Variants in ANKRD36C observed in about 807,000 individuals in gnomAD.
The protein encoded by ANKRD36C is ankyrin repeat domain 36C.
Under a neutral mutation model 276.4 loss-of-function variants are expected in ANKRD36C, and 61 were observed. The ratio of observed to expected loss-of-function variants is 0.22; its 90% confidence interval spans 0.18 to 0.27. ANKRD36C has a LOEUF of 0.27. Among genes scored for constraint, ANKRD36C ranks in the 10% least tolerant of loss-of-function variants. The pLI, the probability that ANKRD36C is intolerant of heterozygous loss-of-function variation, is 1.00. For synonymous variants in ANKRD36C, 483 were observed against 680.1 expected (o/e 0.71, Z 4.51); for missense variants, 1,447 against 2,032.3 (o/e 0.71, Z 5.54).
chr2:95,872,173 G>C (rs1461251454), intron 59 of ANKRD36C, among the ~76,000 whole-genome samples: 1 of 144,328 alleles, frequency 6.9e-6, no homozygotes, highest in Non-Finnish European at 1.5e-5. Context: ...GGACCTAATA[G>C]ACATCTACAG....
intron 44 of ANKRD36C, among the ~76,000 whole-genome samples, chr2:95,898,053 G>A (rs1676607493): frequency 6.7e-6 from 1 of 148,718 alleles, no homozygotes; most frequent in Non-Finnish European, 1.5e-5. Context: ...TCAACCATAT[G>A]GTGTAATAAT....
chr2:95,914,445 C>A (rs1345958613), intron 38 of ANKRD36C, 142 bp from the exon 41 acceptor site: 3 of 1,124,468 alleles, frequency 2.7e-6, no homozygotes, highest in Non-Finnish European at 3.9e-6. Context: ...TGTCTGGGGA[C>A]TAGAACATGA....
intron 6 of ANKRD36C, among the ~76,000 whole-genome samples, chr2:95,965,967 T>C (rs1206189637): frequency 2.6e-5 from 4 of 152,196 alleles, no homozygotes; most frequent in Non-Finnish European, 5.9e-5. Context: ...AAAAAAAATT[T>C]AATTCAAGTT....
At chr2:95,923,870 C>T (rs1677340744) in intron 30 of ANKRD36C, among the ~76,000 whole-genome samples, 181 bp from the exon 31 acceptor site, 1 of 151,492 alleles carries the variant, frequency 6.6e-6, no homozygotes. Flanking sequence ...ACAGGTTTCA[C>T]AAAATAAACC....
At chr2:95,985,229 C>A (rs1322893671) in intron 3 of ANKRD36C, among the ~76,000 whole-genome samples, 7 of 152,182 alleles carry the variant, frequency 4.6e-5, no homozygotes, top group Non-Finnish European at 7.3e-5. Context: ...ATAGATACTG[C>A]AAATAATAGT....
intron 42 of ANKRD36C, 42 bp downstream of exon 45, chr2:95,910,498 C>T (rs752639018): frequency 9.4e-6 from 15 of 1,602,642 alleles, no homozygotes; most frequent in Non-Finnish European, 1.3e-5. Context: ...TTTCATAGAC[C>T]ATACATTAAC....
rs79065445 is a variant in ANKRD36C, at chr2:95,984,853, T to G, written c.486+1898A>C. Among the ~76,000 whole-genome samples the G allele has an allele frequency of 0.015, 2,300 of 152,316 alleles. 152 individuals are homozygous for G. In the East Asian group the frequency reaches 0.16, roughly 11 times the overall value. On this transcript the variant is annotated intron_variant, in intron 3 of 66. Transcript: ENST00000456556. ...AAATAAAAATACAATGGCTTATCAA[T>G]TAAAGCTCTAATAATGACCTATATG...
At chr2:95,962,150 G>A (rs1177837229) in intron 8 of ANKRD36C, among the ~76,000 whole-genome samples, 1 of 151,914 alleles carries the variant, frequency 6.6e-6, no homozygotes, top group East Asian at 1.9e-4. Context: ...TTTCACTGTG[G>A]GGAAGAACAT....
At chr2:95,861,117 G>T (rs1675568333) in intron 60 of ANKRD36C, among the ~76,000 whole-genome samples, 1 of 151,750 alleles carries the variant, frequency 6.6e-6, no homozygotes. Context: ...AAATCTAAAA[G>T]CAAGAATGGA....
chr2:95,854,222 T>G (rs1288332260), intron 63 of ANKRD36C, among the ~76,000 whole-genome samples: 1 of 151,708 alleles, frequency 6.6e-6, no homozygotes, highest in Non-Finnish European at 1.5e-5. Flanking sequence ...TTTTTTTAAA[T>G]TAGAAACTCA....
intron 52 of ANKRD36C, 94 bp from the exon 73 acceptor site, chr2:95,884,462 T>C (rs1676157182): frequency 6.3e-7 from 1 of 1,587,678 alleles, no homozygotes; most frequent in African/African-American, 1.3e-5. Flanking sequence ...TGTATCCTTC[T>C]GCCTGTATTA....
chr2:95,977,282 T>G (rs1475683111), intron 6 of ANKRD36C, among the ~76,000 whole-genome samples: 2 of 152,162 alleles, frequency 1.3e-5, no homozygotes, highest in Non-Finnish European at 2.9e-5. Context: ...TCATATTAAC[T>G]GTACCTCTTT....
chr2:95,991,646 G>C, exon 1 of ANKRD36C: 1 of 1,614,040 alleles, frequency 6.2e-7, no homozygotes, highest in Non-Finnish European at 8.5e-7. Flanking sequence ...GGGGAAATAA[G>C]AAGCCATCCG....
chr2:95,986,494 G>A, intron 3 of ANKRD36C: 1 of 426,338 alleles, frequency 2.3e-6, no homozygotes, highest in Non-Finnish European at 4.0e-6. Context: ...AAATTCAGTT[G>A]TCATGAATTC....
chr2:95,889,099 A>G (rs1467939076), intron 48 of ANKRD36C, among the ~76,000 whole-genome samples: 1 of 151,572 alleles, frequency 6.6e-6, no homozygotes, highest in African/African-American at 2.4e-5. Flanking sequence ...GAAATCAACA[A>G]AACAAGTATC....
At chr2:95,897,392 G>A (rs1285491925) in intron 44 of ANKRD36C, 45 bp downstream of exon 59, 2 of 1,548,158 alleles carry the variant, frequency 1.3e-6, no homozygotes, top group Non-Finnish European at 8.7e-7. Flanking sequence ...ATGTTTCATA[G>A]ACTATACATT....
intron 36 of ANKRD36C, among the ~76,000 whole-genome samples, chr2:95,916,424 C>T (rs1558638713): frequency 2.0e-5 from 3 of 151,448 alleles, no homozygotes. Context: ...AAAATAAAAC[C>T]GTGTCAATAT....
chr2:95,910,644 C>G (rs1676888441), intron 42 of ANKRD36C, 76 bp from the exon 45 acceptor site: 1 of 1,595,122 alleles, frequency 6.3e-7, no homozygotes, highest in African/African-American at 1.3e-5. Context: ...GCAGCGTTAG[C>G]ATCAAACTCT....
At chr2:95,874,421 A>C (rs1206059159) in intron 59 of ANKRD36C, among the ~76,000 whole-genome samples, 1 of 152,226 alleles carries the variant, frequency 6.6e-6, no homozygotes, top group African/African-American at 2.4e-5. Context: ...AAAAACAAGC[A>C]ACGGGGAAAG....
Sources: gnomAD v4.1 joint callset for allele counts (sites outside exome capture counted in the v4.1 genomes callset) on GRCh38, gnomAD v4.1.1 for gene constraint, MANE v1.5 for transcripts, NCBI Gene and HGNC (gene_info 2026-07-23, HGNC 2026-07-21) for gene names.